The following CDH12 variants were observed in gnomAD, a reference collection of about 807,000 sequenced individuals.
CDH12 encodes the protein cadherin 12.
Under a neutral mutation model 74.1 loss-of-function variants are expected in CDH12, and 41 were observed. The observed-to-expected ratio is 0.55, with a 90% CI of 0.43 to 0.72. The LOEUF is 0.72. Among genes scored for constraint, CDH12 ranks in the 30% least tolerant of loss-of-function variants. The probability of loss-of-function intolerance (pLI) is 0.00; values close to 1 mark genes in which losing one functional copy is unlikely to be tolerated. For synonymous variants in CDH12, 399 were observed against 355.0 expected, an observed-to-expected ratio of 1.12 and a Z score of -1.39; for missense variants, 945 against 977.2, an observed-to-expected ratio of 0.97 and a Z score of 0.44.
intron 1 of CDH12, among the ~76,000 whole-genome samples, chr5:22,688,230 A>G (rs927067475): frequency 6.6e-6 from 1 of 152,162 alleles, no homozygotes; most frequent in African/African-American, 2.4e-5. Context: ...AATATATTAG[A>G]TAGTCACAAG....
intron 6 of CDH12, among the ~76,000 whole-genome samples, chr5:21,950,996 C>T (rs1399558730): frequency 6.6e-6 from 1 of 151,518 alleles, no homozygotes; most frequent in Non-Finnish European, 1.5e-5. Flanking sequence ...ACCGTGTTAG[C>T]TAGGATGGTC....
chr5:22,827,769 AAG>A (rs1202949675), intron 1 of CDH12, among the ~76,000 whole-genome samples: 4 of 152,218 alleles, frequency 2.6e-5, no homozygotes, highest in Non-Finnish European at 5.9e-5. Context: ...GTAAAGAAGT[AAG>A]AGAATGATAA....
At chr5:22,386,117 C>T (rs1315738756) in intron 3 of CDH12, among the ~76,000 whole-genome samples, 1 of 152,044 alleles carries the variant, frequency 6.6e-6, no homozygotes, top group Non-Finnish European at 1.5e-5. Context: ...GTCTCAAACT[C>T]CCGACCTCAG....
intron 1 of CDH12, among the ~76,000 whole-genome samples, chr5:22,551,329 A>G (rs1274446817): frequency 6.6e-6 from 1 of 152,124 alleles, no homozygotes; most frequent in Admixed American, 6.6e-5. Context: ...CCAGAACTGA[A>G]AGAAAACAAA....
intron 1 of CDH12, among the ~76,000 whole-genome samples, chr5:22,542,336 C>A (rs1738142197): frequency 6.6e-6 from 1 of 152,112 alleles, no homozygotes; most frequent in African/African-American, 2.4e-5. Flanking sequence ...CATATAACTT[C>A]TTGTACAATA....
intron 1 of CDH12, among the ~76,000 whole-genome samples, chr5:22,699,212 T>G (rs2126957018): frequency 6.6e-6 from 1 of 152,354 alleles, no homozygotes; most frequent in East Asian, 1.9e-4. Flanking sequence ...CACTATCATC[T>G]GTCTTTTAGA....
chr5:22,220,101 T>A (rs923567673), intron 3 of CDH12, among the ~76,000 whole-genome samples: 2 of 151,784 alleles, frequency 1.3e-5, no homozygotes, highest in African/African-American at 4.8e-5. Context: ...TGATACCATA[T>A]GTTTTTAGAA....
intron 5 of CDH12, among the ~76,000 whole-genome samples, chr5:22,054,454 G>T (rs1300855603): frequency 1.3e-5 from 2 of 151,620 alleles, no homozygotes; most frequent in Non-Finnish European, 2.9e-5. Flanking sequence ...TCTACCTTTG[G>T]GTCAGGCTTT....
chr5:22,474,510 T>C (rs530586798), intron 2 of CDH12, among the ~76,000 whole-genome samples: 4 of 152,246 alleles, frequency 2.6e-5, no homozygotes, highest in South Asian at 4.1e-4. Flanking sequence ...AGAAACTCCA[T>C]AGGTGATTGT....
intron 2 of CDH12, among the ~76,000 whole-genome samples, chr5:22,411,582 C>T (rs1743171929): frequency 6.6e-6 from 1 of 151,812 alleles, no homozygotes; most frequent in Admixed American, 6.6e-5. Flanking sequence ...ATTATATTTC[C>T]CCAGAGGACA....
intron 3 of CDH12, among the ~76,000 whole-genome samples, chr5:22,335,576 C>T (rs1739544479): frequency 6.6e-6 from 1 of 151,198 alleles, no homozygotes; most frequent in African/African-American, 2.4e-5. Flanking sequence ...CAGAGTAAGA[C>T]TCCATCTCAA....
intron 3 of CDH12, among the ~76,000 whole-genome samples, chr5:22,214,901 G>A (rs1224344762): frequency 6.6e-6 from 1 of 152,192 alleles, no homozygotes; most frequent in East Asian, 1.9e-4. Context: ...TGACTCTTCA[G>A]TAGTTTTTTT....
intron 4 of CDH12, among the ~76,000 whole-genome samples, chr5:22,168,443 C>T (rs1370746429): frequency 7.2e-5 from 11 of 152,106 alleles, no homozygotes; most frequent in African/African-American, 2.2e-4. Context: ...CAGAAATCTT[C>T]GACGGACTTA....
chr5:22,063,031 T>C (rs1274567001), intron 5 of CDH12, among the ~76,000 whole-genome samples: 1 of 152,168 alleles, frequency 6.6e-6, no homozygotes, highest in East Asian at 1.9e-4. Context: ...ATGAAAACTA[T>C]ATTTTAAATA....
At chr5:22,370,567 C>T (rs1039344031) in intron 3 of CDH12, among the ~76,000 whole-genome samples, 1 of 152,094 alleles carries the variant, frequency 6.6e-6, no homozygotes, top group Non-Finnish European at 1.5e-5. Context: ...AACTATTTTG[C>T]TAACATCTTT....
intron 1 of CDH12, among the ~76,000 whole-genome samples, chr5:22,839,781 A>G (rs1737003678): frequency 6.6e-6 from 1 of 152,232 alleles, no homozygotes; most frequent in African/African-American, 2.4e-5. Context: ...TAAATGCACA[A>G]CCACAATTTC....
At position 22,082,884 on chromosome 5, in the gene CDH12, A is replaced by G. The variant is rs368759503; in HGVS notation, c.-186-4022T>C. Among the ~76,000 whole-genome samples the G allele has an allele frequency of 1.1e-4, 16 of 152,180 alleles. 2 individuals carry two copies. Among genetic ancestry groups the G allele is most frequent in the African/African-American group, 3.6e-4 (15 of 41,530 alleles). ...TCATACTGTGCTGTGTTTCTTCCAG[A>G]TTTTTATGCATTTCTCTCTCAAAGT... On this transcript the variant is annotated intron_variant, in intron 4 of 14. Transcript: ENST00000382254.
intron 1 of CDH12, among the ~76,000 whole-genome samples, chr5:22,603,456 C>G (rs1306038580): frequency 6.6e-6 from 1 of 152,080 alleles, no homozygotes; most frequent in African/African-American, 2.4e-5. Flanking sequence ...TACAGCCATA[C>G]CTACATATAT....
At chr5:22,402,408 T>C (rs1742764836) in intron 3 of CDH12, among the ~76,000 whole-genome samples, 1 of 152,208 alleles carries the variant, frequency 6.6e-6, no homozygotes, top group Admixed American at 6.5e-5. Context: ...TATTGTAAAC[T>C]GTAACAAACC....
Sources: allele counts gnomAD v4.1 joint callset (sites outside exome capture counted in the v4.1 genomes callset), GRCh38; gene constraint gnomAD v4.1.1; transcripts MANE v1.5; gene names NCBI Gene and HGNC (gene_info 2026-07-23, HGNC 2026-07-21).